The following PTPRD variants were observed in gnomAD, a reference collection of about 807,000 sequenced individuals.
PTPRD encodes the protein protein tyrosine phosphatase receptor type D.
In PTPRD, 34 loss-of-function variants were observed where a neutral mutation model predicts 214.5. The observed-to-expected ratio is 0.16, with a 90% CI of 0.12 to 0.21. The LOEUF is 0.21. PTPRD is among the 10% of genes least tolerant of loss of function. PTPRD has a pLI of 1.00. For missense variants in PTPRD, 2,545 were observed against 2,398.7 expected, an observed-to-expected ratio of 1.06 and a Z score of -1.27; for synonymous variants, 1,128 against 845.7, an observed-to-expected ratio of 1.33 and a Z score of -5.79.
Position 8,331,574 on chromosome 9 carries a change from A to AAACTTAACTTACCATTCCTGAACTGT in PTPRD, c.5534+7_5534+8insACAGTTCAGGAATGGTAAGTTAAGTT. ...TTATCACTGCTTTATTCACAAATGG[A>AAACTTAACTTACCATTCCTGAACTGT]AACTTACCTGCAATGGACTGAAATG... On this transcript the variant is annotated splice_region_variant and intron_variant, in intron 44 of 45. Coordinates refer to ENST00000381196, the MANE Select transcript of PTPRD (RefSeq NM_002839.4). 9 of 1,611,994 alleles carry AAACTTAACTTACCATTCCTGAACTGT rather than the reference A, an allele frequency of 5.6e-6. No individual in the cohort carries two copies. Among genetic ancestry groups the AAACTTAACTTACCATTCCTGAACTGT allele is most frequent in the Non-Finnish European group, 7.6e-6 (9 of 1,178,832 alleles).
At chr9:9,354,849 G>A (rs1252258220) in intron 9 of PTPRD, among the ~76,000 whole-genome samples, 1 of 151,684 alleles carries the variant, frequency 6.6e-6, no homozygotes, top group Non-Finnish European at 1.5e-5. Context: ...AAGATATCTG[G>A]AGGAAAAATA....
At chr9:10,349,960 C>T (rs901674564) in intron 2 of PTPRD, among the ~76,000 whole-genome samples, 15 of 152,256 alleles carry the variant, frequency 9.9e-5, no homozygotes, top group Middle Eastern at 6.8e-3. Context: ...TGTGCCCAGC[C>T]GGGATCCTTT....
chr9:10,320,929 T>G (rs1473813804), intron 3 of PTPRD, among the ~76,000 whole-genome samples: 3 of 151,960 alleles, frequency 2.0e-5, no homozygotes, highest in African/African-American at 7.2e-5. Flanking sequence ...GGTTTTTCCA[T>G]GTTGCCGAGG....
intron 5 of PTPRD, among the ~76,000 whole-genome samples, chr9:9,778,256 G>C (rs536580640): frequency 6.6e-6 from 1 of 152,252 alleles, no homozygotes; most frequent in African/African-American, 2.4e-5. Flanking sequence ...ATGGCTCCTG[G>C]GAGAGGGGTG....
chr9:8,840,739 TATC>T (rs1257492217), intron 11 of PTPRD, among the ~76,000 whole-genome samples: 2 of 151,816 alleles, frequency 1.3e-5, no homozygotes, highest in South Asian at 2.1e-4. Context: ...TCTGAAAAAA[TATC>T]ATGCCCATTC....
At chr9:8,997,479 A>G (rs1294267875) in intron 11 of PTPRD, among the ~76,000 whole-genome samples, 2 of 152,106 alleles carry the variant, frequency 1.3e-5, no homozygotes, top group Non-Finnish European at 2.9e-5. Flanking sequence ...GTGGGGCACC[A>G]CAAACCAAGT....
chr9:8,667,737 T>C (rs2097198180), intron 12 of PTPRD, among the ~76,000 whole-genome samples: 1 of 152,142 alleles, frequency 6.6e-6, no homozygotes, highest in Non-Finnish European at 1.5e-5. Context: ...TATCTCATTA[T>C]GTATATGCAA....
intron 10 of PTPRD, among the ~76,000 whole-genome samples, chr9:9,054,000 G>C: frequency 1.3e-5 from 2 of 152,206 alleles, no homozygotes; most frequent in South Asian, 4.1e-4. Flanking sequence ...AGTGAGAAAG[G>C]AGACAATTTT....
intron 5 of PTPRD, among the ~76,000 whole-genome samples, chr9:9,899,053 A>G (rs1463657357): frequency 6.6e-6 from 1 of 152,166 alleles, no homozygotes. Flanking sequence ...GTCACAGGAC[A>G]CAAGGTCAAT....
intron 30 of PTPRD, among the ~76,000 whole-genome samples, chr9:8,477,734 T>A (rs188769189): frequency 7.7e-4 from 117 of 152,314 alleles, no homozygotes; most frequent in Middle Eastern, 3.4e-3. Flanking sequence ...TCACTCTTAG[T>A]TCTAAGGTTT....
intron 11 of PTPRD, among the ~76,000 whole-genome samples, chr9:8,889,151 G>C (rs1223216532): frequency 6.6e-6 from 1 of 152,172 alleles, no homozygotes; most frequent in Non-Finnish European, 1.5e-5. Context: ...GGAGGAGAAA[G>C]CTTTAGTCTA....
intron 11 of PTPRD, among the ~76,000 whole-genome samples, chr9:8,781,649 C>G (rs2095702352): frequency 1.4e-5 from 1 of 72,186 alleles, no homozygotes; most frequent in Admixed American, 1.9e-4. Context: ...ATAATGGACT[C>G]TGGGGCAGTG....
chr9:8,502,314 C>G (rs532206487), intron 23 of PTPRD, among the ~76,000 whole-genome samples: 6 of 152,194 alleles, frequency 3.9e-5, no homozygotes, highest in Non-Finnish European at 8.8e-5. Flanking sequence ...ATATGGTAGA[C>G]TGAATAAAGC....
At chr9:8,841,125 A>G (rs1366233627) in intron 11 of PTPRD, among the ~76,000 whole-genome samples, 2 of 152,190 alleles carry the variant, frequency 1.3e-5, no homozygotes, top group Non-Finnish European at 2.9e-5. Flanking sequence ...CTCCTGCCCT[A>G]TCATAATACT....
intron 11 of PTPRD, among the ~76,000 whole-genome samples, chr9:8,853,990 A>C (rs1205005806): frequency 1.3e-5 from 2 of 152,210 alleles, no homozygotes; most frequent in Non-Finnish European, 2.9e-5. Context: ...AAAATAGGAA[A>C]AAGTAAAGCA....
In PTPRD at chr9:8,486,249, G is replaced by A. The variant is rs1453728795; in HGVS notation, c.2568C>T (p.Tyr856=). The change falls in exon 28 of 46, where the codon TAC becomes TAT. Residue 856 remains tyrosine (Y), a synonymous_variant. Transcript: ENST00000381196. The part of the protein sequence containing the change: ...PVDTFGPLQG[Y]RLKFGRKDME... Reference sequence around the variant, plus strand: ...TATCCTTGCGGCCAAATTTTAGACGGTAGCCCTGAAGAGGTCCAAATGTGT... The same window carrying A: ...TATCCTTGCGGCCAAATTTTAGACGATAGCCCTGAAGAGGTCCAAATGTGT... The A allele has an allele frequency of 6.2e-7, 1 of 1,614,180 alleles. No homozygotes were observed. The highest frequency in any genetic ancestry group is 8.5e-7 in the Non-Finnish European group (1 of 1,180,018).
rs139402376 is a variant in PTPRD at position 8,937,645 on chromosome 9, A to G, written c.-104+81052T>C. Among the ~76,000 whole-genome samples the G allele has an allele frequency of 3.1e-3, 476 of 152,112 alleles. 9 individuals carry two copies. The highest frequency in any genetic ancestry group is 0.022 in the Admixed American group (342 of 15,254). The stretch of plus-strand genomic sequence containing the variant: ...GTTTTTCTCTAACCTTGACTTTTTC[A>G]CCCTTGCTCATCATTCAAGATTCAA... On this transcript the variant is annotated intron_variant, in intron 11 of 45. Transcript: ENST00000381196.
chr9:9,033,127 G>A (rs1330574202), intron 10 of PTPRD, among the ~76,000 whole-genome samples: 5 of 152,066 alleles, frequency 3.3e-5, no homozygotes, highest in Non-Finnish European at 5.9e-5. Context: ...GTTCTCCCTT[G>A]ACCTTCTTTT....
At chr9:9,019,323 AGAAAGAAAGAAAGAAC>A (rs201765833) in intron 10 of PTPRD, among the ~76,000 whole-genome samples, 20,180 of 97,586 alleles carry the variant, frequency 0.21, 2,040 homozygotes, top group Middle Eastern at 0.26. Context: ...AAAGAAAGAA[AGAAAGAAAGAAAGAAC>A]GAAAGAAAGA....
Sources: gnomAD v4.1 joint callset for allele counts (sites outside exome capture counted in the v4.1 genomes callset) on GRCh38, gnomAD v4.1.1 for gene constraint, MANE v1.5 for transcripts, NCBI Gene and HGNC (gene_info 2026-07-23, HGNC 2026-07-21) for gene names.